ATP5MC3: variants seen among roughly 807,000 people sequenced by gnomAD.
The protein encoded by ATP5MC3 is ATP synthase F(0) complex subunit C3, mitochondrial.
A neutral mutation model predicts 15.6 loss-of-function variants in ATP5MC3; 6 were observed. The observed-to-expected ratio is 0.38, with a 90% CI of 0.21 to 0.76. The LOEUF is 0.76. Ranked by LOEUF, ATP5MC3 falls within the 30% of genes least tolerant of loss-of-function variation. ATP5MC3 has a pLI of 0.44. For synonymous variants in ATP5MC3, 66 were observed against 63.3 expected (o/e 1.04, Z -0.20); for missense variants, 132 against 171.2 (o/e 0.77, Z 1.28).
chr2:175,178,542 T>A, intron 4 of ATP5MC3, 140 bp from the exon 5 acceptor site: 1 of 1,410,636 alleles, frequency 7.1e-7, no homozygotes, highest in Non-Finnish European at 9.2e-7. Context: ...AGATCTCTCT[T>A]ACACTATTCT....
intron 4 of ATP5MC3, 149 bp downstream of exon 4, chr2:175,178,908 G>A (rs1574544569): frequency 7.7e-7 from 1 of 1,301,886 alleles, no homozygotes; most frequent in East Asian, 2.5e-5. Context: ...GGTGTTATGA[G>A]AATTAAGTGA....
intron 4 of ATP5MC3, chr2:175,178,724 G>C (rs1700724719): frequency 8.6e-7 from 1 of 1,159,368 alleles, no homozygotes. Context: ...TCCTTTTAAG[G>C]AATGTGCTCT....
rs1055305930 is a variant in ATP5MC3, at chr2:175,177,232, T to A, written c.*1056A>T. 5 of 152,290 alleles carry A rather than the reference T, an allele frequency of 3.3e-5. No individual in the cohort carries two copies. The highest frequency in any genetic ancestry group is 2.6e-4 in the Admixed American group (4 of 15,294). The allele number at this position is 152,290 out of a possible 1,614,324, so 9.4% of individuals were successfully genotyped here. A position where few individuals can be genotyped will look rare whatever the true frequency, so the allele number is the denominator to read the frequency against. On this transcript the variant is annotated 3_prime_UTR_variant, in exon 5 of 5. Coordinates refer to ENST00000284727, the MANE Select transcript of ATP5MC3 (RefSeq NM_001689.5). The stretch of plus-strand genomic sequence containing the variant: ...TTTTTTAAACAAGCACTGATTCTGA[T>A]GGAGGTGGTCTTCCGACACTTGAGG...
Position 175,176,547 on chromosome 2 carries a change from CTAATGT to C in ATP5MC3, c.*1735_*1740del, listed in dbSNP as rs1286699879. 1 of 152,116 alleles carries C rather than the reference CTAATGT, an allele frequency of 6.6e-6. No individual in the cohort carries two copies. The highest frequency in any genetic ancestry group is 1.5e-5 in the Non-Finnish European group (1 of 68,006). The allele number at this position is 152,116 out of a possible 1,614,324, so 9.4% of individuals were successfully genotyped here. On this transcript the variant is annotated 3_prime_UTR_variant, in exon 5 of 5. Coordinates refer to ENST00000284727, the MANE Select transcript of ATP5MC3 (RefSeq NM_001689.5). Reference sequence around the variant, plus strand: ...GGGCTATATACCAACTTTAATGACACTAATGTTAATAAGTTCTGATAACCCACTACC... The same window carrying C: ...GGGCTATATACCAACTTTAATGACACTAATAAGTTCTGATAACCCACTACC...
In ATP5MC3 at chr2:175,181,457, C is replaced by T. The variant is rs191911488; in HGVS notation, c.-64G>A. 2 of 1,596,622 alleles carry T rather than the reference C, an allele frequency of 1.3e-6. No individual in the cohort carries two copies. The highest frequency in any genetic ancestry group is 1.7e-6 in the Non-Finnish European group (2 of 1,167,874). ...TGACAGGCGACGTGGGCTCCTCTCC[C>T]GCTTCCTCTCTGCGGAGGAAAAGAG... On this transcript the variant is annotated 5_prime_UTR_variant, in exon 2 of 5. Transcript: ENST00000284727.
intron 2 of ATP5MC3, among the ~76,000 whole-genome samples, chr2:175,180,927 C>T (rs565297760): frequency 6.6e-6 from 1 of 152,334 alleles, no homozygotes; most frequent in South Asian, 2.1e-4. Flanking sequence ...AAGGCAAAGT[C>T]CCTCCCTCTG....
Position 175,178,308 on chromosome 2 carries a change from A to G in ATP5MC3, c.409T>C (p.Leu137=), listed in dbSNP as rs761438467. 1 of 1,610,056 alleles carries G rather than the reference A, an allele frequency of 6.2e-7. No homozygotes were observed. The highest frequency in any genetic ancestry group is 1.1e-5 in the South Asian group (1 of 89,914). The change falls in exon 5 of 5, where the codon TTG becomes CTG. Residue 137 remains leucine, a synonymous_variant. Coordinates refer to ENST00000284727, the MANE Select transcript of ATP5MC3 (RefSeq NM_001689.5). ...ATTTGTTACATGGCAAACAAAATCA[A>G]GAAAGCAACCATCAAACAAAAGAGA... ...MGLFCLMVAF[L]ILFAM is the part of the protein sequence containing the mutation.
Position 175,177,036 on chromosome 2 carries a change from T to C in ATP5MC3, c.*1252A>G, listed in dbSNP as rs1445108547. The C allele has an allele frequency of 6.6e-6, 1 of 152,210 alleles. No individual in the cohort carries two copies. The highest frequency in any genetic ancestry group is 1.5e-5 in the Non-Finnish European group (1 of 68,032). The allele number at this position is 152,210 out of a possible 1,614,324, so 9.4% of individuals were successfully genotyped here. A position where few individuals can be genotyped will look rare whatever the true frequency, so the allele number is the denominator to read the frequency against. On this transcript the variant is annotated 3_prime_UTR_variant, in exon 5 of 5. Transcript: ENST00000284727. ...AAACGAGGTAGCAGCTCTACCTCTT[T>C]AGCTTTTTGGGGCCTCATTTCACTT...
chr2:175,181,214 G>A, intron 2 of ATP5MC3, 141 bp downstream of exon 2: 1 of 1,036,916 alleles, frequency 9.6e-7, no homozygotes, highest in South Asian at 1.7e-5. Context: ...GAAGAAAACG[G>A]CAATGGGTTA....
rs1199551112 is a variant in ATP5MC3, at chr2:175,178,073, A to G, written c.*215T>C. 10 of 829,560 alleles carry G rather than the reference A, an allele frequency of 1.2e-5. No homozygotes were observed. The highest frequency in any genetic ancestry group is 1.8e-5 in the African/African-American group (1 of 56,122). 51.4% of individuals were successfully genotyped at this position (829,560 alleles called of 1,614,324 possible). On this transcript the variant is annotated 3_prime_UTR_variant, in exon 5 of 5. Coordinates refer to ENST00000284727, the MANE Select transcript of ATP5MC3 (RefSeq NM_001689.5). ...TGCTGTAGCTTCCTCTGAATGGGAC[A>G]GCATCTGCCTGAATGCACGTTCTTC...
rs1700715548 is a variant in ATP5MC3, at chr2:175,178,146, A to G, written c.*142T>C. The G allele has an allele frequency of 1.4e-5, 19 of 1,397,414 alleles. No homozygotes were observed. Among genetic ancestry groups the G allele is most frequent in the Non-Finnish European group, 1.8e-5 (19 of 1,069,460 alleles). 86.6% of individuals were successfully genotyped at this position (1,397,414 alleles called of 1,614,324 possible). A position where few individuals can be genotyped will look rare whatever the true frequency, so the allele number is the denominator to read the frequency against. On this transcript the variant is annotated 3_prime_UTR_variant, in exon 5 of 5. Coordinates refer to ENST00000284727, the MANE Select transcript of ATP5MC3 (RefSeq NM_001689.5). ...GTAAGTACAAATCACAGAAGAAATT[A>G]AAGTTTTCATCTTTAATGAAATGAC...
rs1700713625 is a variant in ATP5MC3, at chr2:175,178,045, AACTG to A, written c.*239_*242del. The A allele has an allele frequency of 2.1e-6, 1 of 474,462 alleles. No homozygotes were observed. The highest frequency in any genetic ancestry group is 3.2e-6 in the Non-Finnish European group (1 of 311,564). 29.4% of individuals were successfully genotyped at this position (474,462 alleles called of 1,614,324 possible). ...TTGGAATATTTTTCATCAGTGGAGC[AACTG>A]CTGTAGCTTCCTCTGAATGGGACAG... On this transcript the variant is annotated 3_prime_UTR_variant, in exon 5 of 5. Transcript: ENST00000284727.
chr2:175,176,677 A>G lies in ATP5MC3; in HGVS notation c.*1611T>C, dbSNP rs1700687304. 1 of 152,126 alleles carries G rather than the reference A, an allele frequency of 6.6e-6. No homozygotes were observed. Among genetic ancestry groups the G allele is most frequent in the African/African-American group, 2.4e-5 (1 of 41,420 alleles). The allele number at this position is 152,126 out of a possible 1,614,324, so 9.4% of individuals were successfully genotyped here. A position where few individuals can be genotyped will look rare whatever the true frequency, so the allele number is the denominator to read the frequency against. On this transcript the variant is annotated 3_prime_UTR_variant, in exon 5 of 5. Coordinates refer to ENST00000284727, the MANE Select transcript of ATP5MC3 (RefSeq NM_001689.5). ...CTTTTCACCCCCTCCCTAGTTCCTG[A>G]TAACTACTAATTGGCTTTGTCACCG...
Position 175,181,652 on chromosome 2 carries a change from T to C in ATP5MC3, c.-74+4A>G. On this transcript the variant is annotated splice_donor_region_variant and intron_variant, in intron 1 of 4. Coordinates refer to ENST00000284727, the MANE Select transcript of ATP5MC3 (RefSeq NM_001689.5). ...AGGCCGGGCTCCCTGTGCCCTCCAC[T>C]TACCTTCCCAGGAGGCGGCGGCGGC... 2.0e-6 allele frequency: 1 copy of C among 491,086 alleles called. No homozygotes were observed. The highest frequency in any genetic ancestry group is 3.6e-6 in the Non-Finnish European group (1 of 279,000). 30.4% of individuals were successfully genotyped at this position (491,086 alleles called of 1,614,324 possible). A position where few individuals can be genotyped will look rare whatever the true frequency, so the allele number is the denominator to read the frequency against.
Position 175,178,188 on chromosome 2 carries a change from A to G in ATP5MC3, c.*100T>C. 1 of 1,489,404 alleles carries G rather than the reference A, an allele frequency of 6.7e-7. No individual in the cohort carries two copies. The highest frequency in any genetic ancestry group is 8.9e-7 in the Non-Finnish European group (1 of 1,122,558). The allele number at this position is 1,489,404 out of a possible 1,614,324, so 92.3% of individuals were successfully genotyped here. ...TGAAATGACTTTGGAAATAACGTAC[A>G]TTCCCATGACACCAATACTACAGTT... is the stretch of plus-strand genomic sequence containing the variant. On this transcript the variant is annotated 3_prime_UTR_variant, in exon 5 of 5. Transcript: ENST00000284727.
chr2:175,181,359 G>C lies in ATP5MC3; in HGVS notation c.35C>G (p.Ser12Cys), dbSNP rs370456305. The C allele has an allele frequency of 9.1e-5, 147 of 1,613,824 alleles. No homozygotes were observed. Among genetic ancestry groups the C allele is most frequent in the Non-Finnish European group, 1.2e-4 (139 of 1,179,898 alleles). The part of the protein sequence containing the change: ...FACAKLACTP[S>C]LIRAGSRVAY... Reference sequence around the variant, plus strand: ...GACCCTGCCTGGGCTACGCACCAGAGAGGGGGTGCAGGCGAGCTTGGCGCA... The same window carrying C: ...GACCCTGCCTGGGCTACGCACCAGACAGGGGGTGCAGGCGAGCTTGGCGCA... Residue 12 changes from serine (S) to cysteine (C), a missense_variant, in exon 2 of 5, where the codon TCT becomes TGT. This residue lies in a region of ATP5MC3 where 90 missense variants were observed against 86.2 expected (regional missense o/e 1.04). Transcript: ENST00000284727.
rs753010476 is a variant in ATP5MC3, at chr2:175,179,243, G to A, written c.128C>T (p.Thr43Met). 36 of 1,607,280 alleles carry A rather than the reference G, an allele frequency of 2.2e-5. No individual in the cohort carries two copies. The highest frequency in any genetic ancestry group is 1.5e-4 in the Admixed American group (9 of 59,760). ...ACCATTCTGGGCCCCATTAAATACC[G>A]TAGAGCCCTGGAAAACAGAAAATAA... ...PEASRTGEGS[T>M]VFNGAQNGVS... The change falls in exon 4 of 5, where the codon ACG becomes ATG. Residue 43 changes from threonine to methionine, a missense_variant. Around this residue, in one of 2 missense-constraint regions of ATP5MC3, gnomAD observed 90 missense variants for 86.2 expected, o/e 1.04. Transcript: ENST00000284727.
chr2:175,179,042 GA>G lies in ATP5MC3; in HGVS notation c.314+14del. On this transcript the variant is annotated intron_variant, in intron 4 of 4. Coordinates refer to ENST00000284727, the MANE Select transcript of ATP5MC3 (RefSeq NM_001689.5). ...CAAGCATGCTCTTAACTTATTTAGG[GA>G]TAGAAATGATTACCTGGCATAACCA... is the stretch of plus-strand genomic sequence containing the variant. 6.2e-7 allele frequency: 1 copy of G among 1,609,604 alleles called. No individual in the cohort carries two copies. Among genetic ancestry groups the G allele is most frequent in the Non-Finnish European group, 8.5e-7 (1 of 1,177,998 alleles).
At position 175,176,516 on chromosome 2, in the gene ATP5MC3, AGT is replaced by A. The variant is rs1224240167; in HGVS notation, c.*1770_*1771del. 2 of 152,184 alleles carry A rather than the reference AGT, an allele frequency of 1.3e-5. No individual in the cohort carries two copies. The highest frequency in any genetic ancestry group is 6.5e-5 in the Admixed American group (1 of 15,284). The allele number at this position is 152,184 out of a possible 1,614,324, so 9.4% of individuals were successfully genotyped here. A position where few individuals can be genotyped will look rare whatever the true frequency, so the allele number is the denominator to read the frequency against. The stretch of plus-strand genomic sequence containing the variant: ...TTTTAATTTTTGAGCCAGATTTAGC[AGT>A]GAGGGGCTATATACCAACTTTAATG... On this transcript the variant is annotated 3_prime_UTR_variant, in exon 5 of 5. Coordinates refer to ENST00000284727, the MANE Select transcript of ATP5MC3 (RefSeq NM_001689.5).
Sources: gnomAD v4.1 joint callset for allele counts (sites outside exome capture counted in the v4.1 genomes callset) on GRCh38, gnomAD v4.1.1 for gene constraint, gnomAD v4.1.1 regional missense constraint, MANE v1.5 for transcripts, NCBI Gene and HGNC (gene_info 2026-07-23, HGNC 2026-07-21) for gene names.